PREX2: variants seen among roughly 807,000 people sequenced by gnomAD.
PREX2 encodes phosphatidylinositol-3,4,5-trisphosphate dependent Rac exchange factor 2.
A neutral mutation model predicts 203.2 loss-of-function variants in PREX2; 107 were observed. The ratio of observed to expected loss-of-function variants is 0.53; its 90% CI spans 0.45 to 0.62. The LOEUF (loss-of-function observed/expected upper bound fraction) is 0.62, where lower values mean the gene tolerates loss of function less well. Ranked by LOEUF, PREX2 falls within the 20% of genes least tolerant of loss-of-function variation. The pLI, the probability that PREX2 is intolerant of heterozygous loss-of-function variation, is 0.00. For synonymous variants in PREX2, 672 were observed against 663.6 expected (o/e 1.01, Z -0.19); for missense variants, 1,777 against 1,955.9 (o/e 0.91, Z 1.72).
intron 22 of PREX2, among the ~76,000 whole-genome samples, chr8:68,098,714 AG>A (rs76392518): frequency 0.21 from 32,149 of 151,790 alleles, 4,026 homozygotes; most frequent in Middle Eastern, 0.33. Context: ...AATGTAGCCA[AG>A]GTCACCCTGC....
intron 1 of PREX2, among the ~76,000 whole-genome samples, chr8:67,999,347 G>A (rs1219252737): frequency 2.6e-5 from 4 of 151,836 alleles, no homozygotes; most frequent in Admixed American, 2.0e-4. Context: ...ATGTGAACTA[G>A]AAAAACTAGA....
chr8:67,977,791 G>A (rs1196441713), intron 1 of PREX2, among the ~76,000 whole-genome samples: 1 of 152,130 alleles, frequency 6.6e-6, no homozygotes, highest in Admixed American at 6.6e-5. Flanking sequence ...TAGGTTTGGG[G>A]GGCTTCTGAA....
intron 1 of PREX2, among the ~76,000 whole-genome samples, chr8:68,014,079 G>T (rs967692589): frequency 6.6e-6 from 1 of 152,168 alleles, no homozygotes; most frequent in Non-Finnish European, 1.5e-5. Flanking sequence ...TGCATTCTGA[G>T]AATGAAGCCC....
intron 1 of PREX2, among the ~76,000 whole-genome samples, chr8:68,002,859 G>T (rs1806982858): frequency 6.6e-6 from 1 of 152,166 alleles, no homozygotes; most frequent in Non-Finnish European, 1.5e-5. Flanking sequence ...GTAGTTTGCA[G>T]ACTGGTTAAA....
intron 7 of PREX2, among the ~76,000 whole-genome samples, chr8:68,042,259 G>A (rs1207404884): frequency 1.3e-5 from 2 of 152,032 alleles, no homozygotes; most frequent in Non-Finnish European, 2.9e-5. Flanking sequence ...ATAACAGAGT[G>A]CTAGATTAGG....
intron 34 of PREX2, among the ~76,000 whole-genome samples, chr8:68,150,900 C>T (rs1004835890): frequency 9.9e-5 from 15 of 152,222 alleles, no homozygotes; most frequent in African/African-American, 3.6e-4. Flanking sequence ...CTCTTTTGGC[C>T]TTTGGTGTCT....
chr8:67,985,031 C>T (rs1381663077), intron 1 of PREX2, among the ~76,000 whole-genome samples: 1 of 151,508 alleles, frequency 6.6e-6, no homozygotes, highest in Admixed American at 6.6e-5. Context: ...CCTTTTGTAG[C>T]GACTACGTTG....
In PREX2 at chr8:68,053,224, G is replaced by C; in HGVS notation, c.1071G>C (p.Leu357Phe). The C allele has an allele frequency of 6.2e-7, 1 of 1,613,598 alleles. No homozygotes were observed. The highest frequency in any genetic ancestry group is 1.7e-4 in the Middle Eastern group (1 of 6,054). ...AGCATGAATGGTTTGAAGCTATTTT[G>C]AAAGAAAGAGAACGGCGGAAAGGTG... ...EEKHEWFEAI[L>F]KERERRKGLK... Residue 357 changes from leucine to phenylalanine, a missense_variant, in exon 9 of 40, where the codon TTG becomes TTC. Transcript: ENST00000288368.
intron 11 of PREX2, among the ~76,000 whole-genome samples, chr8:68,066,549 T>C (rs562821905): frequency 6.6e-6 from 1 of 152,264 alleles, no homozygotes; most frequent in South Asian, 2.1e-4. Flanking sequence ...TCTTCACCCA[T>C]TTTTAATTGG....
In PREX2 at chr8:68,083,240, A is replaced by G. The variant is rs569614436; in HGVS notation, c.1879A>G (p.Met627Val). 63 of 1,578,962 alleles carry G rather than the reference A, an allele frequency of 4.0e-5. No homozygotes were observed. The East Asian group carries it at 9.7e-4, about 24-fold the overall frequency. The part of the protein sequence containing the change: ...KLVEKGSNAE[M>V]AGMEVGKKIF... ...TTATTTTTTGTAATTTCTCTCTTAGATGGCTGGCATGGAAGTCGGGAAAAA... is the reference window on the plus strand; with the variant it reads ...TTATTTTTTGTAATTTCTCTCTTAGGTGGCTGGCATGGAAGTCGGGAAAAA... The change falls in exon 18 of 40, where the codon ATG becomes GTG. Residue 627 changes from methionine (M) to valine (V), a missense_variant and splice_region_variant. By Grantham distance (21) the Met-to-Val change is conservative (BLOSUM62 1). Coordinates refer to ENST00000288368, the MANE Select transcript of PREX2 (RefSeq NM_024870.4).
intron 11 of PREX2, among the ~76,000 whole-genome samples, 193 bp from the exon 12 acceptor site, chr8:68,068,839 AT>A (rs35256634): frequency 0.53 from 80,174 of 151,700 alleles, 21,228 homozygotes; most frequent in South Asian, 0.56. Context: ...AAACTGTAAT[AT>A]TTTTAAATAA....
chr8:67,958,987 T>C (rs1805560620), intron 1 of PREX2, among the ~76,000 whole-genome samples: 1 of 152,178 alleles, frequency 6.6e-6, no homozygotes, highest in Non-Finnish European at 1.5e-5. Flanking sequence ...AAGTGAGAGA[T>C]CTAAAAATTA....
intron 33 of PREX2, among the ~76,000 whole-genome samples, chr8:68,145,764 G>A (rs142446965): frequency 5.3e-5 from 8 of 152,126 alleles, no homozygotes; most frequent in African/African-American, 1.9e-4. Flanking sequence ...TGGTGCTCAG[G>A]GAATAGAGCT....
chr8:68,074,118 C>T (rs555756988), intron 14 of PREX2, among the ~76,000 whole-genome samples: 11 of 151,880 alleles, frequency 7.2e-5, no homozygotes, highest in South Asian at 4.2e-4. Context: ...AGGTGTGCAC[C>T]GCTACACCTG....
intron 9 of PREX2, among the ~76,000 whole-genome samples, chr8:68,055,256 C>T (rs1808640927): frequency 6.6e-6 from 1 of 152,136 alleles, no homozygotes; most frequent in South Asian, 2.1e-4. Flanking sequence ...AGGATCTTGG[C>T]TATCCTACCA....
chr8:68,233,416 A>G lies in PREX2; in HGVS notation c.*2038A>G, dbSNP rs1370083728. ...TATTGTGGTATTTATAAGCTAACAT[A>G]TTTTATATTTTTAAGGATCTACTTT... On this transcript the variant is annotated 3_prime_UTR_variant, in exon 40 of 40. Transcript: ENST00000288368. 6.6e-6 allele frequency: 1 copy of G among 152,120 alleles called. No homozygotes were observed. Among genetic ancestry groups the G allele is most frequent in the Non-Finnish European group, 1.5e-5 (1 of 68,028 alleles). The allele number at this position is 152,120 out of a possible 1,614,324, so 9.4% of individuals were successfully genotyped here.
intron 1 of PREX2, among the ~76,000 whole-genome samples, chr8:67,982,214 A>G (rs572491137): frequency 6.6e-6 from 1 of 152,270 alleles, no homozygotes; most frequent in Non-Finnish European, 1.5e-5. Flanking sequence ...CACTGAGGCC[A>G]GGAGTTTGAG....
intron 1 of PREX2, among the ~76,000 whole-genome samples, chr8:67,999,478 C>CAAACAAACAAAAAAA (rs1806872657): frequency 1.1e-5 from 1 of 92,092 alleles, no homozygotes; most frequent in Non-Finnish European, 2.1e-5. Context: ...GCCAACAAAC[C>CAAACAAACAAAAAAA]AAAAAAAAAA....
intron 15 of PREX2, 110 bp downstream of exon 15, chr8:68,077,579 ACTGT>A (rs917187064): frequency 1.3e-5 from 11 of 823,304 alleles, no homozygotes; most frequent in African/African-American, 1.3e-4. Context: ...AGCCAGCAAG[ACTGT>A]CTGGGTCTTG....
Sources: allele counts gnomAD v4.1 joint callset (sites outside exome capture counted in the v4.1 genomes callset), GRCh38; gene constraint gnomAD v4.1.1; transcripts MANE v1.5; gene names NCBI Gene and HGNC (gene_info 2026-07-23, HGNC 2026-07-21).